The following PCBP3 variants were observed in gnomAD, a reference collection of about 807,000 sequenced individuals.
PCBP3 encodes the protein poly(rC) binding protein 3, also known as poly(rC)-binding protein 3.
In PCBP3, 25 loss-of-function variants were observed where a neutral mutation model predicts 52.7. That is an observed-to-expected ratio of 0.47 (90% CI 0.35 to 0.66). The LOEUF is 0.66. PCBP3 is among the 30% of genes least tolerant of loss of function. PCBP3 has a pLI of 0.01. For missense variants in PCBP3, 391 were observed against 490.3 expected (o/e 0.80, Z 1.91); for synonymous variants, 162 against 183.0 (o/e 0.89, Z 0.93).
intron 2 of PCBP3, among the ~76,000 whole-genome samples, chr21:45,693,942 A>G (rs1347899038): frequency 6.6e-6 from 1 of 152,160 alleles, no homozygotes; most frequent in Non-Finnish European, 1.5e-5. Context: ...TAACATGTAA[A>G]AATATATGAC....
intron 13 of PCBP3, among the ~76,000 whole-genome samples, chr21:45,927,430 A>AT (rs2075621557): frequency 1.8e-5 from 1 of 55,464 alleles, no homozygotes; most frequent in East Asian, 4.6e-4. Context: ...CAAAAGCCTC[A>AT]TTTTTTCAAC....
intron 4 of PCBP3, among the ~76,000 whole-genome samples, chr21:45,814,251 G>A (rs978175003): frequency 6.6e-6 from 1 of 152,268 alleles, no homozygotes; most frequent in Admixed American, 6.5e-5. Context: ...AGGACTGGAG[G>A]TTGCTCTGGG....
At chr21:45,867,204 C>T (rs1467797273) in intron 5 of PCBP3, among the ~76,000 whole-genome samples, 1 of 152,174 alleles carries the variant, frequency 6.6e-6, no homozygotes, top group East Asian at 1.9e-4. Flanking sequence ...AGGCGGCGGA[C>T]GGAACAAAAC....
At chr21:45,810,216 T>TTG (rs1001919830) in intron 4 of PCBP3, among the ~76,000 whole-genome samples, 14 of 73,774 alleles carry the variant, frequency 1.9e-4, no homozygotes, top group Non-Finnish European at 3.2e-4. Context: ...CGTGATTCGA[T>TTG]TCTGTGTGTG....
intron 5 of PCBP3, among the ~76,000 whole-genome samples, chr21:45,886,142 A>G (rs9984668): frequency 0.48 from 23,560 of 49,068 alleles, 6,613 homozygotes; most frequent in African/African-American, 0.7. Context: ...GACAGAGGAC[A>G]TGGTGAGGTG....
intron 3 of PCBP3, among the ~76,000 whole-genome samples, chr21:45,752,323 A>G (rs1451347667): frequency 6.6e-6 from 1 of 151,778 alleles, no homozygotes; most frequent in African/African-American, 2.4e-5. Flanking sequence ...TCATTAATCT[A>G]AGTTTTTATT....
rs1254817368 is a variant in PCBP3 at position 45,737,682 on chromosome 21, A to T, written c.-162+2253A>T. Among the ~76,000 whole-genome samples, 1 of 152,186 alleles carries T rather than the reference A, an allele frequency of 6.6e-6. No homozygotes were observed. The highest frequency in any genetic ancestry group is 2.4e-5 in the African/African-American group (1 of 41,446). On this transcript the variant is annotated intron_variant, in intron 3 of 17. Transcript: ENST00000681687. This position sits in a 1 kb window ranked among gnomAD's most constrained non-coding sequence, Gnocchi z 4.9. ...GAGGCTGCAGCAGGCAGATTCTGGAAATTCCCTGAGGCCTTCGTTCAGTAC... is the reference window on the plus strand; with the variant it reads ...GAGGCTGCAGCAGGCAGATTCTGGATATTCCCTGAGGCCTTCGTTCAGTAC...
chr21:45,688,725 T>A (rs1569118453), intron 2 of PCBP3, among the ~76,000 whole-genome samples: 1 of 151,944 alleles, frequency 6.6e-6, no homozygotes, highest in African/African-American at 2.4e-5. Context: ...GCTCAACTGA[T>A]CAGGAGAAGA....
chr21:45,861,377 C>G (rs2094504744), intron 5 of PCBP3, among the ~76,000 whole-genome samples: 1 of 152,202 alleles, frequency 6.6e-6, no homozygotes, highest in Non-Finnish European at 1.5e-5. Context: ...CCCACACCAG[C>G]CTCAACGCTC....
At chr21:45,879,757 T>C (rs1299175523) in intron 5 of PCBP3, among the ~76,000 whole-genome samples, 2 of 151,572 alleles carry the variant, frequency 1.3e-5, no homozygotes, top group Non-Finnish European at 2.9e-5. Context: ...GAAAATACTT[T>C]GAAGTAAGAG....
chr21:45,918,334 G>T (rs1488008825), intron 13 of PCBP3: 1 of 150,684 alleles, frequency 6.6e-6, no homozygotes, highest in Non-Finnish European at 1.5e-5. Context: ...TAAACGGTCG[G>T]TGTAATTCCA....
intron 5 of PCBP3, among the ~76,000 whole-genome samples, chr21:45,885,961 CG>C (rs1357952345): frequency 6.6e-6 from 1 of 152,234 alleles, no homozygotes; most frequent in Non-Finnish European, 1.5e-5. Flanking sequence ...CTGGATATTA[CG>C]TTATGAGACT....
intron 1 of PCBP3, among the ~76,000 whole-genome samples, chr21:45,646,117 G>C (rs1216965810): frequency 6.9e-4 from 87 of 125,242 alleles, no homozygotes; most frequent in African/African-American, 2.0e-3. Context: ...CTGTGTGTGT[G>C]TGTGTGTGTG....
Position 45,821,982 on chromosome 21 carries a change from C to G in PCBP3, c.-125-27979C>G, listed in dbSNP as rs1047272315. Among the ~76,000 whole-genome samples, 1 of 152,160 alleles carries G rather than the reference C, an allele frequency of 6.6e-6. No homozygotes were observed. The highest frequency in any genetic ancestry group is 2.4e-5 in the African/African-American group (1 of 41,430). The stretch of plus-strand genomic sequence containing the variant: ...CTGACAACTTAGCTATTTATCAGAC[C>G]CCAAAATCATGAGCCTTGAGAAATG... On this transcript the variant is annotated intron_variant, in intron 4 of 17. Transcript: ENST00000681687. The surrounding 1 kb of genome is among the most constrained non-coding windows in gnomAD (Gnocchi z 4.4).
chr21:45,695,816 C>T (rs2082731923), intron 2 of PCBP3, among the ~76,000 whole-genome samples: 1 of 152,058 alleles, frequency 6.6e-6, no homozygotes, highest in Non-Finnish European at 1.5e-5. Flanking sequence ...TGCGTTGGCT[C>T]ACGTGTGTAA....
At chr21:45,826,972 A>G (rs868547158) in intron 4 of PCBP3, among the ~76,000 whole-genome samples, 3 of 152,066 alleles carry the variant, frequency 2.0e-5, no homozygotes, top group Admixed American at 1.3e-4. Context: ...AAGGTGCTCC[A>G]GTCCACACCA....
At chr21:45,647,739 G>C (rs1457853226) in intron 1 of PCBP3, among the ~76,000 whole-genome samples, 1 of 152,166 alleles carries the variant, frequency 6.6e-6, no homozygotes. Context: ...TGGAGATGGA[G>C]GGGGGTGAAA....
At chr21:45,732,127 T>G (rs1259699182) in intron 2 of PCBP3, among the ~76,000 whole-genome samples, 2 of 152,158 alleles carry the variant, frequency 1.3e-5, no homozygotes, top group Non-Finnish European at 2.9e-5. Context: ...TACTTTTATA[T>G]TTGAAAGTTA....
chr21:45,845,872 G>A (rs1009577), intron 4 of PCBP3, among the ~76,000 whole-genome samples: 5,776 of 152,352 alleles, frequency 0.038, 158 homozygotes, highest in Non-Finnish European at 0.053. Context: ...TGTTCAGCAA[G>A]ATGTTAAAGC....
Sources: gnomAD v4.1 joint callset for allele counts (sites outside exome capture counted in the v4.1 genomes callset) on GRCh38, gnomAD v4.1.1 for gene constraint, Gnocchi (gnomAD v3.1) non-coding constraint, MANE v1.5 for transcripts, NCBI Gene and HGNC (gene_info 2026-07-23, HGNC 2026-07-21) for gene names.